Variants in G2E3 observed in about 807,000 individuals in gnomAD.
G2E3 encodes G2/M phase-specific E3 ubiquitin-protein ligase.
In G2E3, 35 loss-of-function variants were observed where a neutral mutation model predicts 92.8. The ratio of observed to expected loss-of-function variants is 0.38; its 90% CI spans 0.29 to 0.50. The LOEUF (loss-of-function observed/expected upper bound fraction) is 0.50. Among genes scored for constraint, G2E3 ranks in the 20% least tolerant of loss-of-function variants. The pLI, the probability that G2E3 is intolerant of heterozygous loss-of-function variation, is 0.94. For missense variants in G2E3, 554 were observed against 823.8 expected, an observed-to-expected ratio of 0.67 and a Z score of 4.01; for synonymous variants, 242 against 272.4, an observed-to-expected ratio of 0.89 and a Z score of 1.10.
At chr14:30,573,132 T>C (rs966961580) in intron 1 of G2E3, among the ~76,000 whole-genome samples, 2 of 152,124 alleles carry the variant, frequency 1.3e-5, no homozygotes, top group Admixed American at 6.5e-5. Context: ...TGTGCCTGGC[T>C]TTTATGTACA....
At chr14:30,577,585 C>T (rs1056608910) in intron 1 of G2E3, among the ~76,000 whole-genome samples, 3 of 152,252 alleles carry the variant, frequency 2.0e-5, no homozygotes, top group East Asian at 3.9e-4. Context: ...GGTAGAATGG[C>T]CTCCATTCCT....
At chr14:30,602,251 GC>G in intron 10 of G2E3, 120 bp downstream of exon 10, 1 of 727,828 alleles carries the variant, frequency 1.4e-6, no homozygotes, top group Middle Eastern at 3.8e-4. Flanking sequence ...ATGTTTTTCA[GC>G]CTTCAGGACC....
At position 30,559,172 on chromosome 14, in the gene G2E3, T is replaced by G. The variant is rs1348253946; in HGVS notation, c.-105T>G. 1.3e-5 allele frequency: 2 copies of G among 152,350 alleles called. No individual in the cohort carries two copies. The highest frequency in any genetic ancestry group is 2.1e-4 in the South Asian group (1 of 4,834). 9.4% of individuals were successfully genotyped at this position (152,350 alleles called of 1,614,324 possible). A position where few individuals can be genotyped will look rare whatever the true frequency, so the allele number is the denominator to read the frequency against. ...CGGAAGTGGACGAATTTGAATCCTG[T>G]GGGCCGTTGAATGTGGCTGCTCGCG... On this transcript the variant is annotated 5_prime_UTR_variant, in exon 1 of 15. Transcript: ENST00000206595.
In G2E3 at chr14:30,589,378, C is replaced by T; in HGVS notation, c.136-5C>T. The T allele has an allele frequency of 6.6e-7, 1 of 1,507,290 alleles. No homozygotes were observed. Among genetic ancestry groups the T allele is most frequent in the Non-Finnish European group, 9.2e-7 (1 of 1,084,754 alleles). 93.4% of individuals were successfully genotyped at this position (1,507,290 alleles called of 1,614,324 possible). ...TTTATTTTCTAATTGAGAATATATT[C>T]ATAGTTGATGTCAAGTGGAATTTGG... On this transcript the variant is annotated splice_polypyrimidine_tract_variant and splice_region_variant and intron_variant, in intron 3 of 14. Transcript: ENST00000206595.
At chr14:30,563,509 A>G (rs1265353421) in intron 1 of G2E3, among the ~76,000 whole-genome samples, 1 of 152,068 alleles carries the variant, frequency 6.6e-6, no homozygotes, top group African/African-American at 2.4e-5. Context: ...ATATCACAAG[A>G]CTATTGGAAG....
intron 12 of G2E3, among the ~76,000 whole-genome samples, 190 bp downstream of exon 12, chr14:30,608,259 A>G (rs1881924149): frequency 6.6e-6 from 1 of 152,238 alleles, no homozygotes. Context: ...GCTGGAGATT[A>G]AAGTGCCACG....
At chr14:30,609,657 C>T (rs1179084082) in intron 12 of G2E3, among the ~76,000 whole-genome samples, 1 of 152,116 alleles carries the variant, frequency 6.6e-6, no homozygotes, top group African/African-American at 2.4e-5. Flanking sequence ...ACAGATAAGA[C>T]CTGGGTCTTG....
At chr14:30,580,300 G>A (rs149841976) in intron 1 of G2E3, among the ~76,000 whole-genome samples, 2,938 of 152,190 alleles carry the variant, frequency 0.019, 49 homozygotes, top group Middle Eastern at 0.034. Flanking sequence ...TCCACCTCCC[G>A]AGTTCAAGCA....
At chr14:30,593,446 A>G (rs768106656) in intron 5 of G2E3, 28 bp from the exon 6 acceptor site, 1 of 1,235,310 alleles carries the variant, frequency 8.1e-7, no homozygotes, top group Non-Finnish European at 1.2e-6. Context: ...AGTTCATGAG[A>G]TTTTTTTAAA....
chr14:30,601,318 C>G (rs879545404), intron 8 of G2E3, among the ~76,000 whole-genome samples: 13 of 152,158 alleles, frequency 8.5e-5, no homozygotes, highest in Admixed American at 8.5e-4. Flanking sequence ...CCAGGTAGAT[C>G]TGGATTCTGT....
rs1249716130 is a variant in G2E3 at position 30,590,698 on chromosome 14, G to A, written c.237+1214G>A. ...GTTAATGGTAAAAACAGAGGTTCTA[G>A]GGCACAAGGAAGAACCGTGGGAGAA... On this transcript the variant is annotated intron_variant, in intron 4 of 14. Transcript: ENST00000206595. 6.6e-6 allele frequency: 3 copies of A among 455,686 alleles called. No individual in the cohort carries two copies. The Admixed American group carries it at 7.1e-5, about 11-fold the overall frequency. The allele number at this position is 455,686 out of a possible 1,614,324, so 28.2% of individuals were successfully genotyped here.
intron 2 of G2E3, among the ~76,000 whole-genome samples, chr14:30,583,495 A>G (rs927101426): frequency 6.6e-6 from 1 of 152,186 alleles, no homozygotes; most frequent in African/African-American, 2.4e-5. Flanking sequence ...TAGAAACGGT[A>G]TAGTGCTGGT....
intron 5 of G2E3, 138 bp from the exon 6 acceptor site, chr14:30,593,336 G>T: frequency 9.2e-6 from 5 of 541,590 alleles, no homozygotes; most frequent in Non-Finnish European, 1.3e-5. Context: ...TTAATTTTTA[G>T]TGCCAAGGCT....
At chr14:30,598,813 C>A (rs745371773) in intron 8 of G2E3, among the ~76,000 whole-genome samples, 2 of 152,164 alleles carry the variant, frequency 1.3e-5, no homozygotes, top group Non-Finnish European at 1.5e-5. Context: ...TGTCTTATCA[C>A]GAGACTATTT....
At chr14:30,597,364 A>G (rs1280752532) in intron 6 of G2E3, 56 bp from the exon 7 acceptor site, 7 of 857,594 alleles carry the variant, frequency 8.2e-6, no homozygotes, top group South Asian at 1.4e-5. Flanking sequence ...TACATAATAT[A>G]TCACCTGATA....
At chr14:30,589,291 T>C (rs2138843271) in intron 3 of G2E3, 92 bp from the exon 4 acceptor site, 1 of 712,726 alleles carries the variant, frequency 1.4e-6, no homozygotes, top group Non-Finnish European at 2.4e-6. Context: ...TTTATGTCTG[T>C]TTTTTATTAG....
rs1029912591 is a variant in G2E3, at chr14:30,559,209, C to T, written c.-68C>T. 1 of 152,498 alleles carries T rather than the reference C, an allele frequency of 6.6e-6. No individual in the cohort carries two copies. Among genetic ancestry groups the T allele is most frequent in the Non-Finnish European group, 1.5e-5 (1 of 68,250 alleles). The allele number at this position is 152,498 out of a possible 1,614,324, so 9.4% of individuals were successfully genotyped here. On this transcript the variant is annotated 5_prime_UTR_variant, in exon 1 of 15. Transcript: ENST00000206595. ...TGTGGCTGCTCGCGGTCGGCGTGCC[C>T]CGACGTACAGCGGGCCGGGAAAAGT... is the stretch of plus-strand genomic sequence containing the variant.
rs1003540664 is a variant in G2E3, at chr14:30,613,317, T to A, written c.1673+938T>A. ...TCATCTCAAACCTGATAAATTCATT[T>A]AAAAAAAAGTAGTATCATTAATCCA... On this transcript the variant is annotated intron_variant, in intron 13 of 14. Coordinates refer to ENST00000206595, the MANE Select transcript of G2E3 (RefSeq NM_017769.5). 6.6e-5 allele frequency among the ~76,000 whole-genome samples: 10 copies of A among 152,058 alleles called. No homozygotes were observed. The South Asian group carries it at 2.1e-3, about 31-fold the overall frequency.
intron 1 of G2E3, chr14:30,560,917 G>T (rs1207844666): frequency 1.5e-6 from 1 of 646,146 alleles, no homozygotes. Context: ...GTTGATTAAA[G>T]ACATGGAACT....
Sources: allele counts gnomAD v4.1 joint callset (sites outside exome capture counted in the v4.1 genomes callset), GRCh38; gene constraint gnomAD v4.1.1; transcripts MANE v1.5; gene names NCBI Gene and HGNC (gene_info 2026-07-23, HGNC 2026-07-21).